FHIT: variants seen among roughly 807,000 people sequenced by gnomAD.
The protein encoded by FHIT is bis(5'-adenosyl)-triphosphatase.
FHIT carries 19 observed loss-of-function variants against 17.9 expected under a neutral mutation model. That is an observed-to-expected ratio of 1.06 (90% CI 0.74 to 1.56). FHIT has a LOEUF of 1.56. Among genes scored for constraint, FHIT ranks in the 40% most tolerant of loss-of-function variants. The pLI, the probability that FHIT is intolerant of heterozygous loss-of-function variation, is 0.00. For synonymous variants in FHIT, 81 were observed against 69.7 expected, an observed-to-expected ratio of 1.16 and a Z score of -0.81; for missense variants, 248 against 189.2, an observed-to-expected ratio of 1.31 and a Z score of -1.82.
In FHIT at chr3:59,749,189, G is replaced by T. The variant is rs1700747155; in HGVS notation, c.*396C>A. 8.7e-6 allele frequency: 2 copies of T among 229,142 alleles called. No homozygotes were observed. The highest frequency in any genetic ancestry group is 2.2e-5 in the African/African-American group (1 of 45,186). 14.2% of individuals were successfully genotyped at this position (229,142 alleles called of 1,614,324 possible). On this transcript the variant is annotated 3_prime_UTR_variant, in exon 10 of 10. Coordinates refer to ENST00000492590, the MANE Select transcript of FHIT (RefSeq NM_002012.4). ...AATTCAATATGTAGACATTTTTTTT[G>T]AAAAGGGAAGAAATAAGCAGGTGGA...
rs533523997 is a variant in FHIT, at chr3:60,017,911, G to T, written c.104-3759C>A. Among the ~76,000 whole-genome samples, 8 of 152,278 alleles carry T rather than the reference G, an allele frequency of 5.3e-5. No homozygotes were observed. The East Asian group carries it at 1.5e-3, about 29-fold the overall frequency. ...CAAGAATCCCTCCCATCCTACACAT[G>T]CTGTTTTGCTCTCTGGCTTTCCCCC... On this transcript the variant is annotated intron_variant, in intron 5 of 9. Transcript: ENST00000492590.
chr3:60,140,037 C>G (rs1244310536), intron 5 of FHIT, among the ~76,000 whole-genome samples: 1 of 151,792 alleles, frequency 6.6e-6, no homozygotes, highest in African/African-American at 2.4e-5. Context: ...CAGAGAATTG[C>G]TTAAACCTGA....
intron 8 of FHIT, among the ~76,000 whole-genome samples, chr3:59,863,999 C>T (rs1702521577): frequency 6.6e-6 from 1 of 152,160 alleles, no homozygotes; most frequent in African/African-American, 2.4e-5. Flanking sequence ...GATATGATCC[C>T]ATTCTAGGTG....
chr3:61,150,670 GA>G (rs2107046452), intron 2 of FHIT, among the ~76,000 whole-genome samples: 1 of 152,102 alleles, frequency 6.6e-6, no homozygotes, highest in African/African-American at 2.4e-5. Flanking sequence ...AATTTTCACT[GA>G]ATTTTTCAGA....
intron 2 of FHIT, among the ~76,000 whole-genome samples, chr3:61,184,651 G>C (rs964584064): frequency 6.6e-6 from 1 of 152,154 alleles, no homozygotes; most frequent in Non-Finnish European, 1.5e-5. Context: ...AACCCTCTGA[G>C]CTAGCTCACA....
chr3:59,913,137 T>A (rs1393197022), intron 8 of FHIT, among the ~76,000 whole-genome samples: 1 of 152,170 alleles, frequency 6.6e-6, no homozygotes, highest in African/African-American at 2.4e-5. Flanking sequence ...TCACTGTAAG[T>A]CTAAATTACT....
intron 5 of FHIT, among the ~76,000 whole-genome samples, chr3:60,099,308 C>T (rs986585098): frequency 2.6e-5 from 4 of 152,034 alleles, no homozygotes; most frequent in East Asian, 1.9e-4. Flanking sequence ...TGGGCTCAAA[C>T]GATAAAAATA....
chr3:59,793,445 T>G (rs1048049052), intron 8 of FHIT, among the ~76,000 whole-genome samples: 3 of 151,158 alleles, frequency 2.0e-5, no homozygotes, highest in African/African-American at 7.2e-5. Flanking sequence ...AGGTCCCTTG[T>G]TTTACCAAAG....
chr3:59,962,007 C>T (rs1245361254), intron 7 of FHIT, among the ~76,000 whole-genome samples: 1 of 152,148 alleles, frequency 6.6e-6, no homozygotes, highest in African/African-American at 2.4e-5. Context: ...ATCAATGCAG[C>T]CTCTCAAGGA....
chr3:60,608,368 C>G (rs1553672049), intron 4 of FHIT, among the ~76,000 whole-genome samples: 6 of 152,072 alleles, frequency 3.9e-5, no homozygotes, highest in Non-Finnish European at 7.4e-5. Flanking sequence ...GACTGTTCTC[C>G]CCTTCCACTG....
chr3:60,451,879 A>G (rs930926747), intron 5 of FHIT, among the ~76,000 whole-genome samples: 2 of 152,174 alleles, frequency 1.3e-5, no homozygotes, highest in Non-Finnish European at 2.9e-5. Flanking sequence ...CTAACTATGA[A>G]GATGACTTAA....
chr3:60,218,322 G>A (rs1033280073), intron 5 of FHIT, among the ~76,000 whole-genome samples: 3 of 152,120 alleles, frequency 2.0e-5, no homozygotes, highest in Non-Finnish European at 4.4e-5. Flanking sequence ...AAGCTTTCAA[G>A]TAATGTTGCT....
chr3:60,368,253 A>G (rs1013334832), intron 5 of FHIT, among the ~76,000 whole-genome samples: 2 of 150,800 alleles, frequency 1.3e-5, no homozygotes, highest in African/African-American at 4.9e-5. Context: ...GTACCATTTC[A>G]TACTCCCACT....
At chr3:61,193,036 T>C (rs1045985979) in intron 2 of FHIT, among the ~76,000 whole-genome samples, 2 of 152,234 alleles carry the variant, frequency 1.3e-5, no homozygotes, top group Non-Finnish European at 2.9e-5. Flanking sequence ...ACGCAAAAGA[T>C]GCTAAAAGAC....
chr3:60,401,613 C>A (rs573013166), intron 5 of FHIT, among the ~76,000 whole-genome samples: 1 of 152,126 alleles, frequency 6.6e-6, no homozygotes, highest in East Asian at 1.9e-4. Context: ...TGTTAGTCCC[C>A]GGTGCTTCCC....
chr3:59,978,795 G>A (rs1333942575), intron 7 of FHIT, among the ~76,000 whole-genome samples: 1 of 151,578 alleles, frequency 6.6e-6, no homozygotes, highest in South Asian at 2.1e-4. Flanking sequence ...TTCGATCTAA[G>A]AAATGGGATC....
At chr3:60,016,082 T>C (rs1472290664) in intron 5 of FHIT, among the ~76,000 whole-genome samples, 1 of 152,206 alleles carries the variant, frequency 6.6e-6, no homozygotes, top group East Asian at 1.9e-4. Flanking sequence ...ATATTATACA[T>C]AGGCTATGAA....
In FHIT at chr3:59,880,359, G is replaced by A. The variant is rs115139991; in HGVS notation, c.348+41987C>T. ...CCCCAAGGAACCTGCCTTGCCCTTC[G>A]GTTTCAAAGTAGCCTCTACTACCAC... On this transcript the variant is annotated intron_variant, in intron 8 of 9. Coordinates refer to ENST00000492590, the MANE Select transcript of FHIT (RefSeq NM_002012.4). Among the ~76,000 whole-genome samples, 869 of 152,138 alleles carry A rather than the reference G, an allele frequency of 5.7e-3. 7 individuals are homozygous for A. The highest frequency in any genetic ancestry group is 0.011 in the African/African-American group (463 of 41,518).
chr3:59,893,106 A>T (rs1332732616), intron 8 of FHIT, among the ~76,000 whole-genome samples: 1 of 152,258 alleles, frequency 6.6e-6, no homozygotes, highest in Non-Finnish European at 1.5e-5. Context: ...TTTATGCTGC[A>T]ACATTTGGAC....
Sources: gnomAD v4.1 joint callset for allele counts (sites outside exome capture counted in the v4.1 genomes callset) on GRCh38, gnomAD v4.1.1 for gene constraint, MANE v1.5 for transcripts, NCBI Gene and HGNC (gene_info 2026-07-23, HGNC 2026-07-21) for gene names.